CLIC4: variants seen among roughly 807,000 people sequenced by gnomAD.
CLIC4 encodes CLIC family member 4.
A neutral mutation model predicts 24.6 loss-of-function variants in CLIC4; 13 were observed. The ratio of observed to expected loss-of-function variants is 0.53; its 90% CI spans 0.34 to 0.84. CLIC4 has a LOEUF of 0.84. Ranked by LOEUF, CLIC4 falls within the 40% of genes least tolerant of loss-of-function variation. The probability of loss-of-function intolerance (pLI) is 0.01; values close to 1 mark genes in which losing one functional copy is unlikely to be tolerated. For synonymous variants in CLIC4, 104 were observed against 111.3 expected (o/e 0.93, Z 0.41); for missense variants, 227 against 301.7 (o/e 0.75, Z 1.83).
At chr1:24,788,894 A>G (rs967071698) in intron 1 of CLIC4, among the ~76,000 whole-genome samples, 1 of 152,186 alleles carries the variant, frequency 6.6e-6, no homozygotes, top group Admixed American at 6.5e-5. Context: ...ACAAGACCAC[A>G]AACTTTTAGA....
At chr1:24,835,345 T>C (rs1161306438) in intron 4 of CLIC4, among the ~76,000 whole-genome samples, 3 of 152,208 alleles carry the variant, frequency 2.0e-5, no homozygotes, top group Non-Finnish European at 2.9e-5. Flanking sequence ...GGTGGATCGC[T>C]TGAAGCCAGG....
At chr1:24,761,739 AT>A (rs1638930195) in intron 1 of CLIC4, among the ~76,000 whole-genome samples, 1 of 152,212 alleles carries the variant, frequency 6.6e-6, no homozygotes, top group Non-Finnish European at 1.5e-5. Context: ...TTTGGAGGCC[AT>A]TGCCATCAAG....
chr1:24,784,936 G>A (rs1274377936), intron 1 of CLIC4, among the ~76,000 whole-genome samples: 1 of 151,096 alleles, frequency 6.6e-6, no homozygotes, highest in African/African-American at 2.4e-5. Flanking sequence ...CCCGGGAGGC[G>A]GAGCTTGCAG....
chr1:24,791,408 G>A (rs186472819), intron 1 of CLIC4, among the ~76,000 whole-genome samples: 6 of 152,184 alleles, frequency 3.9e-5, no homozygotes, highest in Admixed American at 3.3e-4. Flanking sequence ...ATTTAACTTG[G>A]ATTAAAGGAG....
intron 1 of CLIC4, among the ~76,000 whole-genome samples, chr1:24,758,519 G>A (rs1638880326): frequency 6.6e-6 from 1 of 151,442 alleles, no homozygotes. Flanking sequence ...GTGCACTGGT[G>A]CGATCTCGGC....
At chr1:24,766,164 C>T (rs909442713) in intron 1 of CLIC4, among the ~76,000 whole-genome samples, 11 of 151,908 alleles carry the variant, frequency 7.2e-5, no homozygotes, top group Admixed American at 7.2e-4. Context: ...GCCACCACGC[C>T]CAGCTAATTT....
intron 1 of CLIC4, among the ~76,000 whole-genome samples, chr1:24,797,288 C>T (rs140848733): frequency 1.3e-4 from 20 of 151,282 alleles, no homozygotes; most frequent in East Asian, 3.9e-4. Context: ...AAGAGGCTAG[C>T]GCTAGCTGGG....
rs550420277 is a variant in CLIC4, at chr1:24,842,015, G to C, written c.*1078G>C. 6.6e-6 allele frequency: 1 copy of C among 152,642 alleles called. No individual in the cohort carries two copies. Among genetic ancestry groups the C allele is most frequent in the East Asian group, 1.9e-4 (1 of 5,186 alleles). The allele number at this position is 152,642 out of a possible 1,614,324, so 9.5% of individuals were successfully genotyped here. A position where few individuals can be genotyped will look rare whatever the true frequency, so the allele number is the denominator to read the frequency against. ...CGTTATCCATCCTATATAAAAGAAA[G>C]ATAAAACACAGGTCACCAATTTTCT... On this transcript the variant is annotated 3_prime_UTR_variant, in exon 6 of 6. Coordinates refer to ENST00000374379, the MANE Select transcript of CLIC4 (RefSeq NM_013943.3).
chr1:24,791,388 T>C (rs1011643561), intron 1 of CLIC4, among the ~76,000 whole-genome samples: 24 of 152,310 alleles, frequency 1.6e-4, no homozygotes, highest in African/African-American at 5.1e-4. Context: ...TTGTTGAAAT[T>C]GAATTTTATA....
At chr1:24,775,679 T>C (rs1212045000) in intron 1 of CLIC4, among the ~76,000 whole-genome samples, 3 of 151,896 alleles carry the variant, frequency 2.0e-5, no homozygotes, top group African/African-American at 7.2e-5. Flanking sequence ...TTTTTGTGTG[T>C]GATTTCTTTC....
intron 1 of CLIC4, among the ~76,000 whole-genome samples, chr1:24,791,173 A>C (rs1273278382): frequency 6.6e-6 from 1 of 152,208 alleles, no homozygotes; most frequent in Non-Finnish European, 1.5e-5. Context: ...GTATTTTTTA[A>C]AGGCATACTT....
intron 1 of CLIC4, among the ~76,000 whole-genome samples, chr1:24,757,383 A>G (rs1638865302): frequency 6.6e-6 from 1 of 152,128 alleles, no homozygotes; most frequent in Admixed American, 6.6e-5. Flanking sequence ...TCTGCTAACA[A>G]CCAGTTACTT....
chr1:24,755,996 A>C (rs1454942481), intron 1 of CLIC4, among the ~76,000 whole-genome samples: 6 of 63,388 alleles, frequency 9.5e-5, no homozygotes, highest in South Asian at 5.0e-4. Flanking sequence ...TAATTTTTTG[A>C]TTTTTTTTTT....
Position 24,745,629 on chromosome 1 carries a change from A to T in CLIC4, c.72+4A>T. On this transcript the variant is annotated splice_donor_region_variant and intron_variant, in intron 1 of 5. Transcript: ENST00000374379. ...CCTCATCGAGCTCTTCGTCAAGGTG[A>T]GCGCTCGCCTCGCGGTCCCGCCCGG... The T allele has an allele frequency of 6.4e-7, 1 of 1,554,162 alleles. No individual in the cohort carries two copies. The highest frequency in any genetic ancestry group is 1.9e-5 in the Admixed American group (1 of 51,914).
At chr1:24,760,227 G>A (rs796322900) in intron 1 of CLIC4, among the ~76,000 whole-genome samples, 5 of 152,114 alleles carry the variant, frequency 3.3e-5, no homozygotes, top group African/African-American at 1.2e-4. Flanking sequence ...TTAGCCAGGC[G>A]TGGTGGCGGG....
intron 2 of CLIC4, among the ~76,000 whole-genome samples, chr1:24,810,761 CA>C (rs898789493): frequency 1.4e-3 from 197 of 136,010 alleles, no homozygotes; most frequent in African/African-American, 2.5e-3. Flanking sequence ...TGACTGGTCT[CA>C]AAAAAAAAAA....
intron 4 of CLIC4, 22 bp downstream of exon 4, chr1:24,827,138 T>G (rs199769441): frequency 1.3e-6 from 2 of 1,489,458 alleles, no homozygotes; most frequent in East Asian, 2.3e-5. Context: ...AAACTTGAAT[T>G]AACATTGCAA....
chr1:24,748,995 G>A (rs1341557027), intron 1 of CLIC4, among the ~76,000 whole-genome samples: 1 of 152,056 alleles, frequency 6.6e-6, no homozygotes, highest in Admixed American at 6.6e-5. Flanking sequence ...GCGGAGGGGG[G>A]TGGATCACTT....
At chr1:24,810,927 C>A (rs920289610) in intron 2 of CLIC4, among the ~76,000 whole-genome samples, 4 of 150,998 alleles carry the variant, frequency 2.6e-5, no homozygotes, top group Non-Finnish European at 4.4e-5. Flanking sequence ...AAAAATACAT[C>A]AAAAATTAGC....
Sources: gnomAD v4.1 joint callset for allele counts (sites outside exome capture counted in the v4.1 genomes callset) on GRCh38, gnomAD v4.1.1 for gene constraint, MANE v1.5 for transcripts, NCBI Gene and HGNC (gene_info 2026-07-23, HGNC 2026-07-21) for gene names.